Variants in PIKFYVE observed in about 807,000 individuals in gnomAD.
PIKFYVE encodes the protein phosphoinositide kinase, FYVE-type zinc finger containing, also known as 1-phosphatidylinositol 3-phosphate 5-kinase.
PIKFYVE carries 122 observed loss-of-function variants against 257.9 expected under a neutral mutation model. The observed-to-expected ratio is 0.47, with a 90% CI of 0.41 to 0.55. PIKFYVE has a LOEUF of 0.55. Among genes scored for constraint, PIKFYVE ranks in the 20% least tolerant of loss-of-function variants. The pLI is 0.00. For missense variants in PIKFYVE, 2,160 were observed against 2,536.6 expected (o/e 0.85, Z 3.19); for synonymous variants, 892 against 868.9 (o/e 1.03, Z -0.47).
intron 39 of PIKFYVE, 80 bp downstream of exon 39, chr2:208,352,862 A>C (rs749497303): frequency 2.4e-5 from 36 of 1,507,220 alleles, no homozygotes; most frequent in Non-Finnish European, 3.2e-5. Flanking sequence ...TGAATCAGAG[A>C]GTAACATCTT....
intron 1 of PIKFYVE, 96 bp from the exon 2 acceptor site, chr2:208,271,415 C>T: frequency 8.4e-7 from 1 of 1,193,250 alleles, no homozygotes; most frequent in African/African-American, 1.5e-5. Flanking sequence ...TGACTTTTCA[C>T]AGAATAGGAT....
At chr2:208,301,698 C>A (rs9288392) in intron 9 of PIKFYVE, among the ~76,000 whole-genome samples, 111,607 of 152,138 alleles carry the variant, frequency 0.73, 43,552 homozygotes, top group East Asian at 0.93. Flanking sequence ...TCACATTATT[C>A]AATCTCTGAG....
At position 208,354,129 on chromosome 2, in the gene PIKFYVE, A is replaced by G. The variant is rs1339178929; in HGVS notation, c.6076A>G (p.Thr2026Ala). Residue 2026 changes from threonine to alanine, a missense_variant, in exon 40 of 42, where the codon ACT (threonine) becomes GCT (alanine). By Grantham distance (58) the Thr-to-Ala change is moderately conservative. This residue lies in a region of PIKFYVE where 699 missense variants were observed against 855.8 expected (regional missense o/e 0.82). Coordinates refer to ENST00000264380, the MANE Select transcript of PIKFYVE (RefSeq NM_015040.4). ...TTCTTTGCTGGTTGGGCGAGATGATACTAGCAATGAGCTAGTAGTTGGAAT... is the reference window on the plus strand; with the variant it reads ...TTCTTTGCTGGTTGGGCGAGATGATGCTAGCAATGAGCTAGTAGTTGGAAT... ...DYSLLVGRDD[T>A]SNELVVGIID... is the part of the protein sequence containing the mutation. 6.2e-7 allele frequency: 1 copy of G among 1,613,758 alleles called. No homozygotes were observed. The highest frequency in any genetic ancestry group is 1.1e-5 in the South Asian group (1 of 91,066).
At chr2:208,318,923 T>C (rs10169366) in intron 16 of PIKFYVE, among the ~76,000 whole-genome samples, 146,204 of 148,478 alleles carry the variant, frequency 0.98, 72,015 homozygotes, top group East Asian at 1. Flanking sequence ...TGCAGTGCAG[T>C]CTGGGCAACA....
In PIKFYVE at chr2:208,315,245, G is replaced by A. The variant is rs948948988; in HGVS notation, c.1879G>A (p.Asp627Asn). The A allele has an allele frequency of 6.2e-7, 1 of 1,614,136 alleles. No homozygotes were observed. The highest frequency in any genetic ancestry group is 8.5e-7 in the Non-Finnish European group (1 of 1,180,006). ...ACTACTCCAGCAGTTGCTCCATAGT[G>A]ACTCACTGTCATCATCTTGGAGGGA... ...MALLQQLLHS[D>N]SLSSSWRDII... The change falls in exon 15 of 42, where the codon GAC becomes AAC. Residue 627 changes from aspartate to asparagine, a missense_variant. By Grantham distance (23) the Asp-to-Asn change is conservative. Transcript: ENST00000264380.
At chr2:208,340,165 G>C (rs774102610) in intron 31 of PIKFYVE, 34 bp downstream of exon 31, 1 of 1,611,104 alleles carries the variant, frequency 6.2e-7, no homozygotes, top group Non-Finnish European at 8.5e-7. Flanking sequence ...CTCTTAGCAG[G>C]GGGGTTATTT....
At chr2:208,339,859 T>C (rs1402538007) in intron 30 of PIKFYVE, 152 bp from the exon 31 acceptor site, 5 of 943,418 alleles carry the variant, frequency 5.3e-6, no homozygotes, top group African/African-American at 3.3e-5. Flanking sequence ...TTTTATCCCA[T>C]AGTGGTCTTT....
chr2:208,345,970 G>A (rs1359638169), intron 33 of PIKFYVE, 80 bp from the exon 34 acceptor site: 15 of 957,238 alleles, frequency 1.6e-5, no homozygotes, highest in Middle Eastern at 2.1e-4. Flanking sequence ...AGTGTACAGC[G>A]TAATTAGTGT....
At chr2:208,351,304 A>G (rs756616798) in intron 37 of PIKFYVE, 48 bp from the exon 38 acceptor site, 35 of 1,283,890 alleles carry the variant, frequency 2.7e-5, no homozygotes, top group Non-Finnish European at 3.9e-5. Context: ...GTTATAGATT[A>G]CAGTATATAT....
At chr2:208,270,651 A>C (rs1689302227) in intron 1 of PIKFYVE, among the ~76,000 whole-genome samples, 1 of 152,102 alleles carries the variant, frequency 6.6e-6, no homozygotes, top group African/African-American at 2.4e-5. Context: ...GCTTGAGGTA[A>C]TTGTTAAAGT....
At chr2:208,315,734 A>C (rs1355798437) in intron 15 of PIKFYVE, among the ~76,000 whole-genome samples, 1 of 152,166 alleles carries the variant, frequency 6.6e-6, no homozygotes, top group Non-Finnish European at 1.5e-5. Context: ...ATTTAGATCA[A>C]GCTTGTCCCA....
At position 208,288,803 on chromosome 2, in the gene PIKFYVE, C is replaced by T. The variant is rs1323873660; in HGVS notation, c.896C>T (p.Ser299Phe). 6.2e-7 allele frequency: 1 copy of T among 1,613,970 alleles called. No homozygotes were observed. The highest frequency in any genetic ancestry group is 1.1e-5 in the South Asian group (1 of 91,070). ...TCTGTGCAAGAGGATGCTGGGAAAT[C>T]TCCTGCTCGAAATAGGTAAACTGAC... is the stretch of plus-strand genomic sequence containing the variant. ...LVSVQEDAGK[S>F]PARNRSASIT... The change falls in exon 7 of 42, where the codon TCT becomes TTT. Residue 299 changes from serine to phenylalanine, a missense_variant. Ser to Phe is a radical substitution (Grantham distance 155, BLOSUM62 -2). Transcript: ENST00000264380.
intron 2 of PIKFYVE, among the ~76,000 whole-genome samples, 161 bp downstream of exon 2, chr2:208,271,852 C>T (rs997973674): frequency 1.3e-5 from 2 of 152,150 alleles, no homozygotes; most frequent in Non-Finnish European, 2.9e-5. Context: ...TAGCTTTAAT[C>T]GTAGGTCTCC....
At position 208,283,740 on chromosome 2, in the gene PIKFYVE, T is replaced by C. The variant is rs185726778; in HGVS notation, c.614-1986T>C. Among the ~76,000 whole-genome samples the C allele has an allele frequency of 1.9e-3, 295 of 152,036 alleles. 5 individuals carry two copies. The highest frequency in any genetic ancestry group is 7.2e-3 in the East Asian group (37 of 5,172). On this transcript the variant is annotated intron_variant, in intron 5 of 41. Transcript: ENST00000264380. Reference sequence around the variant, plus strand: ...TTGGACTACAGGGTGCATGCCACCATGCCCTGGCTAGTTTTGTATTTTTTA... The same window carrying C: ...TTGGACTACAGGGTGCATGCCACCACGCCCTGGCTAGTTTTGTATTTTTTA...
intron 14 of PIKFYVE, 32 bp from the exon 15 acceptor site, chr2:208,315,161 A>G (rs770442015): frequency 2.4e-5 from 38 of 1,575,290 alleles, no homozygotes; most frequent in Non-Finnish European, 3.1e-5. Flanking sequence ...AGTATTAACT[A>G]TGCAAACTTC....
intron 3 of PIKFYVE, 82 bp from the exon 4 acceptor site, chr2:208,276,630 C>T (rs1055122206): frequency 3.2e-6 from 3 of 950,574 alleles, no homozygotes; most frequent in African/African-American, 3.2e-5. Context: ...CAATAAGAGG[C>T]AGTTTCCATC....
intron 34 of PIKFYVE, among the ~76,000 whole-genome samples, 164 bp from the exon 35 acceptor site, chr2:208,347,692 CAAT>C (rs1048542396): frequency 5.6e-4 from 85 of 152,144 alleles, no homozygotes; most frequent in African/African-American, 1.4e-3. Context: ...ACATGTGAAA[CAAT>C]AAGTAACAAC....
At chr2:208,304,803 C>G in intron 11 of PIKFYVE, 43 bp from the exon 12 acceptor site, 1 of 1,581,478 alleles carries the variant, frequency 6.3e-7, no homozygotes, top group Non-Finnish European at 8.7e-7. Context: ...ATTTTTACTC[C>G]CCTCCTCTCC....
At chr2:208,352,866 A>G in intron 39 of PIKFYVE, 84 bp downstream of exon 39, 1 of 1,500,256 alleles carries the variant, frequency 6.7e-7, no homozygotes, top group South Asian at 1.1e-5. Flanking sequence ...TCAGAGAGTA[A>G]CATCTTATTT....
Sources: gnomAD v4.1 joint callset for allele counts (sites outside exome capture counted in the v4.1 genomes callset) on GRCh38, gnomAD v4.1.1 for gene constraint, gnomAD v4.1.1 regional missense constraint, MANE v1.5 for transcripts, NCBI Gene and HGNC (gene_info 2026-07-23, HGNC 2026-07-21) for gene names.